The following SGCZ variants were observed in gnomAD, a reference collection of about 807,000 sequenced individuals.
SGCZ encodes sarcoglycan zeta, also known as zeta-sarcoglycan.
In SGCZ, 40 loss-of-function variants were observed where a neutral mutation model predicts 41.3. That is an observed-to-expected ratio of 0.97 (90% CI 0.75 to 1.26). The LOEUF is 1.26. Among genes scored for constraint, SGCZ ranks in the 50% most tolerant of loss-of-function variants. SGCZ has a pLI of 0.00. For synonymous variants in SGCZ, 206 were observed against 137.5 expected (o/e 1.50, Z -3.49); for missense variants, 552 against 369.8 (o/e 1.49, Z -4.04).
intron 1 of SGCZ, among the ~76,000 whole-genome samples, chr8:15,072,832 C>T (rs776307702): frequency 9.2e-5 from 14 of 152,122 alleles, no homozygotes; most frequent in African/African-American, 2.9e-4. Context: ...TTAGTCCAAA[C>T]CCCCAAATGC....
chr8:14,551,530 TATAATATATATAATA>T (rs1803839965), intron 2 of SGCZ, among the ~76,000 whole-genome samples: 7 of 4,004 alleles, frequency 1.7e-3, no homozygotes, highest in Non-Finnish European at 2.7e-3. Context: ...ATATAATATA[TATAATATATATAATA>T]TATATAATAT....
intron 1 of SGCZ, among the ~76,000 whole-genome samples, chr8:15,076,617 G>T (rs1277911997): frequency 6.6e-6 from 1 of 151,892 alleles, no homozygotes; most frequent in Non-Finnish European, 1.5e-5. Context: ...TGCCTTCTTT[G>T]TCTCCTGCTA....
intron 1 of SGCZ, among the ~76,000 whole-genome samples, chr8:14,739,768 G>C (rs1308383553): frequency 6.6e-6 from 1 of 151,974 alleles, no homozygotes; most frequent in Non-Finnish European, 1.5e-5. Flanking sequence ...AAAGGGGAAA[G>C]GACACTTTCT....
chr8:14,997,270 G>A (rs1016230084), intron 1 of SGCZ, among the ~76,000 whole-genome samples: 1 of 152,084 alleles, frequency 6.6e-6, no homozygotes, highest in Non-Finnish European at 1.5e-5. Flanking sequence ...AATCAATTAT[G>A]GAATGTTATT....
intron 5 of SGCZ, among the ~76,000 whole-genome samples, chr8:14,139,249 C>G (rs1352255726): frequency 6.6e-6 from 1 of 152,100 alleles, no homozygotes; most frequent in Non-Finnish European, 1.5e-5. Flanking sequence ...CAGGAAAGAT[C>G]TAAAATTGAC....
intron 1 of SGCZ, among the ~76,000 whole-genome samples, chr8:14,959,781 T>C: frequency 6.6e-6 from 1 of 152,180 alleles, no homozygotes; most frequent in East Asian, 1.9e-4. Flanking sequence ...CACCACCTAC[T>C]TATTGGTAAT....
At chr8:15,170,475 T>C (rs1485332468) in intron 1 of SGCZ, among the ~76,000 whole-genome samples, 1 of 152,186 alleles carries the variant, frequency 6.6e-6, no homozygotes, top group Non-Finnish European at 1.5e-5. Context: ...GCTTTCCACC[T>C]CTCAGAGACC....
intron 2 of SGCZ, among the ~76,000 whole-genome samples, chr8:14,525,275 A>G (rs1216578837): frequency 4.6e-5 from 7 of 152,090 alleles, no homozygotes; most frequent in Non-Finnish European, 1.0e-4. Flanking sequence ...TGGAAATTCA[A>G]TTGCCTACTT....
chr8:14,489,711 C>T (rs1021686002), intron 2 of SGCZ, among the ~76,000 whole-genome samples: 1 of 150,098 alleles, frequency 6.7e-6, no homozygotes. Flanking sequence ...AAATCTTACA[C>T]AATTTAGCTC....
chr8:14,421,518 A>C (rs1799636448), intron 2 of SGCZ, among the ~76,000 whole-genome samples: 2 of 152,246 alleles, frequency 1.3e-5, no homozygotes, highest in South Asian at 4.1e-4. Flanking sequence ...CAAATTTGAA[A>C]TTCCTGGACA....
intron 1 of SGCZ, among the ~76,000 whole-genome samples, chr8:14,836,307 C>G (rs186761477): frequency 6.6e-6 from 1 of 152,244 alleles, no homozygotes; most frequent in Admixed American, 6.5e-5. Flanking sequence ...ATCTGTAAAA[C>G]AGAGGGAAAT....
intron 1 of SGCZ, among the ~76,000 whole-genome samples, chr8:14,578,539 T>G (rs1045274802): frequency 2.6e-5 from 4 of 152,228 alleles, no homozygotes; most frequent in Non-Finnish European, 5.9e-5. Context: ...ATTGTCCCAC[T>G]CAAAAGAAGT....
At chr8:14,102,520 C>T in intron 6 of SGCZ, 21 bp from the exon 7 acceptor site, 1 of 1,365,776 alleles carries the variant, frequency 7.3e-7, no homozygotes, top group Non-Finnish European at 9.6e-7. Flanking sequence ...AACAAAAAAT[C>T]ATTAATAGGA....
intron 3 of SGCZ, among the ~76,000 whole-genome samples, chr8:14,249,023 G>T (rs1349968387): frequency 6.6e-6 from 1 of 152,178 alleles, no homozygotes; most frequent in Non-Finnish European, 1.5e-5. Context: ...TTTTGTGTCA[G>T]TTAGACTGGA....
chr8:14,401,165 G>A (rs1799060889), intron 2 of SGCZ, among the ~76,000 whole-genome samples: 1 of 152,050 alleles, frequency 6.6e-6, no homozygotes. Flanking sequence ...CCAAACTAAT[G>A]CAACAGCATG....
At chr8:14,570,779 A>G (rs1804526779) in intron 1 of SGCZ, among the ~76,000 whole-genome samples, 2 of 152,086 alleles carry the variant, frequency 1.3e-5, no homozygotes, top group South Asian at 4.1e-4. Context: ...CTCACTTTCA[A>G]CCCCTATCTG....
intron 3 of SGCZ, among the ~76,000 whole-genome samples, chr8:14,295,149 C>G (rs1800967014): frequency 6.6e-6 from 1 of 152,064 alleles, no homozygotes; most frequent in African/African-American, 2.4e-5. Flanking sequence ...TTTATAGCGG[C>G]TTTATTTGTA....
At chr8:14,404,959 G>C (rs1362841136) in intron 2 of SGCZ, among the ~76,000 whole-genome samples, 1 of 152,110 alleles carries the variant, frequency 6.6e-6, no homozygotes, top group African/African-American at 2.4e-5. Context: ...TAAATCCTCC[G>C]GGTTGCAGAT....
intron 1 of SGCZ, among the ~76,000 whole-genome samples, chr8:14,777,423 C>T (rs929806860): frequency 6.6e-6 from 1 of 152,064 alleles, no homozygotes; most frequent in African/African-American, 2.4e-5. Flanking sequence ...AAATGATTAA[C>T]GCAAACGAAC....
Sources: allele counts gnomAD v4.1 joint callset (sites outside exome capture counted in the v4.1 genomes callset), GRCh38; gene constraint gnomAD v4.1.1; transcripts MANE v1.5; gene names NCBI Gene and HGNC (gene_info 2026-07-23, HGNC 2026-07-21).